DDA1: variants seen among roughly 807,000 people sequenced by gnomAD.
DDA1 encodes DET1- and DDB1-associated protein 1.
A neutral mutation model predicts 18.6 loss-of-function variants in DDA1; 3 were observed. The observed-to-expected ratio is 0.16, with a 90% CI of 0.07 to 0.42. The LOEUF is 0.42. DDA1 is among the 10% of genes least tolerant of loss of function. The pLI is 0.99. For synonymous variants in DDA1, 52 were observed against 54.0 expected, an observed-to-expected ratio of 0.96 and a Z score of 0.17; for missense variants, 105 against 138.2, an observed-to-expected ratio of 0.76 and a Z score of 1.20.
chr19:17,318,017 C>CT (rs1024094569), intron 4 of DDA1, among the ~76,000 whole-genome samples: 1 of 151,768 alleles, frequency 6.6e-6, no homozygotes, highest in South Asian at 2.1e-4. Context: ...CTCTTTTCCC[C>CT]TTTTTTTCCC....
chr19:17,317,515 T>G (rs1236190798), intron 4 of DDA1, among the ~76,000 whole-genome samples: 1 of 150,688 alleles, frequency 6.6e-6, no homozygotes, highest in Non-Finnish European at 1.5e-5. Flanking sequence ...AGACTCCATC[T>G]CAAAAAAAGA....
intron 1 of DDA1, among the ~76,000 whole-genome samples, chr19:17,311,070 G>C (rs1342598452): frequency 1.3e-5 from 2 of 152,104 alleles, no homozygotes; most frequent in Non-Finnish European, 2.9e-5. Flanking sequence ...TGCCCAGGCT[G>C]GTCTCAAACT....
At chr19:17,309,848 C>T (rs1212621190) in intron 1 of DDA1, among the ~76,000 whole-genome samples, 191 bp downstream of exon 1, 1 of 152,130 alleles carries the variant, frequency 6.6e-6, no homozygotes. Flanking sequence ...ATCCCACTGC[C>T]ACTCCTTCTC....
chr19:17,317,528 AAAAG>A (rs1191722059), intron 4 of DDA1, among the ~76,000 whole-genome samples: 2 of 151,466 alleles, frequency 1.3e-5, no homozygotes, highest in African/African-American at 2.4e-5. Context: ...AAAAAAGAAA[AAAAG>A]AAATCTAGGT....
intron 4 of DDA1, 30 bp from the exon 5 acceptor site, chr19:17,319,516 C>CA (rs2074229327): frequency 3.2e-6 from 5 of 1,544,464 alleles, no homozygotes; most frequent in Non-Finnish European, 4.4e-6. Context: ...AAAAAAGACT[C>CA]ACAGCCCCTC....
At chr19:17,315,860 C>A (rs2074210448) in intron 3 of DDA1, 74 bp from the exon 4 acceptor site, 1 of 1,437,128 alleles carries the variant, frequency 7.0e-7, no homozygotes. Flanking sequence ...CCCAAAAAGA[C>A]CTCCCAGGGC....
intron 4 of DDA1, among the ~76,000 whole-genome samples, chr19:17,318,831 AGTTT>A (rs1161609309): frequency 3.3e-5 from 5 of 150,942 alleles, no homozygotes; most frequent in African/African-American, 4.9e-5. Context: ...GCGCCTGGCA[AGTTT>A]GTTTTTTTTT....
chr19:17,315,139 A>ACACACACGTG (rs2074197471), intron 3 of DDA1, among the ~76,000 whole-genome samples: 1 of 95,970 alleles, frequency 1.0e-5, no homozygotes, highest in East Asian at 2.4e-4. Flanking sequence ...ACACACATAT[A>ACACACACGTG]TATACACACA....
Position 17,320,037 on chromosome 19 carries a change from C to A in DDA1, c.*381C>A. 1 of 183,748 alleles carries A rather than the reference C, an allele frequency of 5.4e-6. No individual in the cohort carries two copies. The highest frequency in any genetic ancestry group is 5.9e-5 in the Admixed American group (1 of 16,884). 11.4% of individuals were successfully genotyped at this position (183,748 alleles called of 1,614,324 possible). On this transcript the variant is annotated 3_prime_UTR_variant, in exon 5 of 5. Transcript: ENST00000359866. ...TAGCGGGGGCTTTACTGTGGCCGGG[C>A]GACAGGGGCGGGCCCGGGGTGGCCT...
At position 17,317,086 on chromosome 19, in the gene DDA1, A is replaced by G. The variant is rs189629889; in HGVS notation, c.198+1091A>G. On this transcript the variant is annotated intron_variant, in intron 4 of 4. Transcript: ENST00000359866. ...CTAATAATACAAAAATTAGCTGGGC[A>G]TGGTGGCGCACGCCTGTAATCCCAG... Among the ~76,000 whole-genome samples, 657 of 151,230 alleles carry G rather than the reference A, an allele frequency of 4.3e-3. 4 individuals carry two copies. The highest frequency in any genetic ancestry group is 7.9e-3 in the Non-Finnish European group (532 of 67,660).
Position 17,323,279 on chromosome 19 carries a change from ATAAAT to A in DDA1, c.*3628_*3632del, listed in dbSNP as rs1034304564. The A allele has an allele frequency of 2.5e-5, 8 of 314,152 alleles. No homozygotes were observed. Among genetic ancestry groups the A allele is most frequent in the African/African-American group, 6.5e-5 (3 of 46,284 alleles). 19.5% of individuals were successfully genotyped at this position (314,152 alleles called of 1,614,324 possible). On this transcript the variant is annotated 3_prime_UTR_variant, in exon 5 of 5. Coordinates refer to ENST00000359866, the MANE Select transcript of DDA1 (RefSeq NM_024050.6). Reference sequence around the variant, plus strand: ...TGCCGTTTTACAAAAATATGACAAAATAAATTAAAAACAAATAAATAATCGCCTGT... The same window carrying A: ...TGCCGTTTTACAAAAATATGACAAAATAAAAACAAATAAATAATCGCCTGT...
intron 4 of DDA1, among the ~76,000 whole-genome samples, chr19:17,316,782 G>A (rs1232491115): frequency 6.6e-6 from 1 of 152,164 alleles, no homozygotes; most frequent in Non-Finnish European, 1.5e-5. Context: ...GGAGGCTGAG[G>A]CAGGAGAATG....
At chr19:17,309,689 T>C in intron 1 of DDA1, 32 bp downstream of exon 1, 1 of 1,608,326 alleles carries the variant, frequency 6.2e-7, no homozygotes, top group Non-Finnish European at 8.5e-7. Flanking sequence ...CCACTCCCCC[T>C]CTGCTAGACA....
chr19:17,318,107 C>G (rs571406270), intron 4 of DDA1, among the ~76,000 whole-genome samples: 2 of 151,740 alleles, frequency 1.3e-5, no homozygotes, highest in Non-Finnish European at 1.5e-5. Flanking sequence ...GGCGTGATCT[C>G]GGCTCACTGT....
intron 4 of DDA1, among the ~76,000 whole-genome samples, chr19:17,317,032 C>T (rs2074216628): frequency 6.6e-6 from 1 of 152,026 alleles, no homozygotes; most frequent in Non-Finnish European, 1.5e-5. Flanking sequence ...TGAGACCAGC[C>T]TGGCCAGCAT....
chr19:17,319,045 C>T (rs2074227206), intron 4 of DDA1, among the ~76,000 whole-genome samples: 1 of 152,114 alleles, frequency 6.6e-6, no homozygotes, highest in Non-Finnish European at 1.5e-5. Flanking sequence ...TGCGGCATCC[C>T]CAGTGGCTTC....
In DDA1 at chr19:17,315,214, TAC is replaced by T. The variant is rs1245092880; in HGVS notation, c.137-713_137-712del. On this transcript the variant is annotated intron_variant, in intron 3 of 4. Coordinates refer to ENST00000359866, the MANE Select transcript of DDA1 (RefSeq NM_024050.6). ...ACACACGTGTATACACACGTGTATA[TAC>T]ACACACGTGTATACACACACACGTG... is the stretch of plus-strand genomic sequence containing the variant. 2.0e-3 allele frequency among the ~76,000 whole-genome samples: 51 copies of T among 24,928 alleles called. 15 individuals are homozygous for T. The Middle Eastern group carries it at 0.079, about 39-fold the overall frequency. 16.4% of individuals were successfully genotyped at this position (24,928 alleles called of 152,430 possible).
At chr19:17,315,381 A>G (rs1301061174) in intron 3 of DDA1, among the ~76,000 whole-genome samples, 168 of 90,610 alleles carry the variant, frequency 1.9e-3, no homozygotes, top group South Asian at 6.7e-3. Context: ...ATACACACGT[A>G]TATATATACA....
At position 17,321,352 on chromosome 19, in the gene DDA1, G is replaced by T. The variant is rs2363962; in HGVS notation, c.*1696G>T. 1 of 151,812 alleles carries T rather than the reference G, an allele frequency of 6.6e-6. No homozygotes were observed. Among genetic ancestry groups the T allele is most frequent in the Non-Finnish European group, 1.5e-5 (1 of 68,000 alleles). 9.4% of individuals were successfully genotyped at this position (151,812 alleles called of 1,614,324 possible). On this transcript the variant is annotated 3_prime_UTR_variant, in exon 5 of 5. Transcript: ENST00000359866. ...TTGTCATGTTGGCCAGGCTGGTCTC[G>T]AACTCCTGACCTCAGGTGCTTCGCC...
Sources: gnomAD v4.1 joint callset for allele counts (sites outside exome capture counted in the v4.1 genomes callset) on GRCh38, gnomAD v4.1.1 for gene constraint, MANE v1.5 for transcripts, NCBI Gene and HGNC (gene_info 2026-07-23, HGNC 2026-07-21) for gene names.